SDR42E2: variants seen among roughly 807,000 people sequenced by gnomAD.
SDR42E2 encodes putative short-chain dehydrogenase/reductase family 42E member 2.
SDR42E2 carries 20 observed loss-of-function variants against 10.5 expected under a neutral mutation model. That is an observed-to-expected ratio of 1.90 (90% CI 1.34 to 2.77). The LOEUF (loss-of-function observed/expected upper bound fraction) is 2.77, where lower values mean the gene tolerates loss of function less well. SDR42E2 is among the 30% of genes most tolerant of loss of function. The probability of loss-of-function intolerance (pLI) is 0.00; values close to 1 mark genes in which losing one functional copy is unlikely to be tolerated. For synonymous variants in SDR42E2, 72 were observed against 39.2 expected (o/e 1.84, Z -3.12); for missense variants, 162 against 104.2 (o/e 1.55, Z -2.42).
rs2142059346 is a variant in SDR42E2, at chr16:22,166,920, A to G, written c.257A>G (p.Glu86Gly). Reference protein sequence around the residue: ...TKFIQADVRDEEALYRAFEGV... With the variant: ...TKFIQADVRDGEALYRAFEGV... The stretch of plus-strand genomic sequence containing the variant: ...CTGGTGCAGGCTGATGTCCGAGATG[A>G]AGAAGCCCTGTACCGTGCCTTCGAA... Residue 86 changes from glutamate (E) to glycine (G), a missense_variant, in exon 4 of 13, where the codon GAA becomes GGA. By Grantham distance (98) the Glu-to-Gly change is moderately conservative (BLOSUM62 -2). Transcript: ENST00000602312. 1 of 679,862 alleles carries G rather than the reference A, an allele frequency of 1.5e-6. No individual in the cohort carries two copies. The highest frequency in any genetic ancestry group is 1.5e-5 in the South Asian group (1 of 66,072). 42.1% of individuals were successfully genotyped at this position (679,862 alleles called of 1,614,324 possible). A position where few individuals can be genotyped will look rare whatever the true frequency, so the allele number is the denominator to read the frequency against.
At position 22,191,454 on chromosome 16, in the gene SDR42E2, A is replaced by G. The variant is rs2046774602; in HGVS notation, c.*1061A>G. On this transcript the variant is annotated 3_prime_UTR_variant, in exon 13 of 13. Transcript: ENST00000602312. Reference sequence around the variant, plus strand: ...TAACGCAGGCTCGGGTGACGTTGGTATGAGTTTGCGCCGTCGGCTGCTGCT... The same window carrying G: ...TAACGCAGGCTCGGGTGACGTTGGTGTGAGTTTGCGCCGTCGGCTGCTGCT... 1 of 152,192 alleles carries G rather than the reference A, an allele frequency of 6.6e-6. No homozygotes were observed. The highest frequency in any genetic ancestry group is 2.4e-5 in the African/African-American group (1 of 41,362). The allele number at this position is 152,192 out of a possible 1,614,324, so 9.4% of individuals were successfully genotyped here.
chr16:22,163,389 A>G (rs1046195481), intron 1 of SDR42E2, among the ~76,000 whole-genome samples: 4 of 151,974 alleles, frequency 2.6e-5, no homozygotes, highest in Non-Finnish European at 4.4e-5. Context: ...CCTGCTCATG[A>G]TGGTTTGCAG....
At chr16:22,167,691 T>C (rs2046555661) in intron 4 of SDR42E2, among the ~76,000 whole-genome samples, 1 of 152,142 alleles carries the variant, frequency 6.6e-6, no homozygotes, top group Non-Finnish European at 1.5e-5. Flanking sequence ...TTGTTTTTAA[T>C]AACAAAACAC....
At chr16:22,186,133 GAGT>G (rs2046734731) in intron 11 of SDR42E2, among the ~76,000 whole-genome samples, 1 of 152,086 alleles carries the variant, frequency 6.6e-6, no homozygotes, top group Admixed American at 6.6e-5. Flanking sequence ...GAGAGCATTG[GAGT>G]AGAAGTGAGA....
rs189688656 is a variant in SDR42E2, at chr16:22,169,841, G to A, written c.394+339G>A. ...AGGTCAAGAGTTCGAGACCAGCCTGGCCAAAATGGTGAAACCCCACCTCTA... is the reference window on the plus strand; with the variant it reads ...AGGTCAAGAGTTCGAGACCAGCCTGACCAAAATGGTGAAACCCCACCTCTA... On this transcript the variant is annotated intron_variant, in intron 5 of 12. Coordinates refer to ENST00000602312, the MANE Select transcript of SDR42E2 (RefSeq NM_001394319.2). Among the ~76,000 whole-genome samples, 354 of 150,546 alleles carry A rather than the reference G, an allele frequency of 2.4e-3. 1 individual carries two copies. The highest frequency in any genetic ancestry group is 3.6e-3 in the Middle Eastern group (1 of 274).
chr16:22,165,973 G>A (rs141538585), intron 2 of SDR42E2, among the ~76,000 whole-genome samples: 1 of 151,944 alleles, frequency 6.6e-6, no homozygotes, highest in Non-Finnish European at 1.5e-5. Flanking sequence ...TGGGCCAGGA[G>A]CTGGGTCTGT....
chr16:22,176,150 GCT>G (rs1164058094), intron 7 of SDR42E2, among the ~76,000 whole-genome samples: 2 of 151,872 alleles, frequency 1.3e-5, no homozygotes, highest in African/African-American at 4.8e-5. Flanking sequence ...ACAGGGTCTC[GCT>G]CTGTCGCCCA....
At position 22,184,077 on chromosome 16, in the gene SDR42E2, G is replaced by A. The variant is rs1258310250; in HGVS notation, c.877-104G>A. ...CTGCCCCCTGGGGTGGGTTGGTGGG[G>A]AGACAGGAGGTACCTCTGCTGGTCC... is the stretch of plus-strand genomic sequence containing the variant. On this transcript the variant is annotated intron_variant, in intron 10 of 12. Coordinates refer to ENST00000602312, the MANE Select transcript of SDR42E2 (RefSeq NM_001394319.2). The A allele has an allele frequency of 1.3e-5, 5 of 397,502 alleles. No homozygotes were observed. In the East Asian group the frequency reaches 1.8e-4, roughly 14 times the overall value. 24.6% of individuals were successfully genotyped at this position (397,502 alleles called of 1,614,324 possible). A position where few individuals can be genotyped will look rare whatever the true frequency, so the allele number is the denominator to read the frequency against.
In SDR42E2 at chr16:22,170,943, T is replaced by C. The variant is rs771914281; in HGVS notation, c.505T>C (p.Leu169=). ...TGAGGACTCTGTGCCATATTTCCCATTGGACGAGGTACCTGTCTTCCGGGA... is the reference window on the plus strand; with the variant it reads ...TGAGGACTCTGTGCCATATTTCCCACTGGACGAGGTACCTGTCTTCCGGGA... The part of the protein sequence containing the change: ...GDEDSVPYFP[L]DEHVDHYSRT... The change falls in exon 6 of 13, where the codon TTG becomes CTG. Residue 169 remains leucine, a synonymous_variant. Coordinates refer to ENST00000602312, the MANE Select transcript of SDR42E2 (RefSeq NM_001394319.2). 8.7e-5 allele frequency: 61 copies of C among 703,012 alleles called. 1 individual carries two copies. Among genetic ancestry groups the C allele is most frequent in the East Asian group, 1.6e-4 (6 of 37,296 alleles). The allele number at this position is 703,012 out of a possible 1,614,324, so 43.5% of individuals were successfully genotyped here. A position where few individuals can be genotyped will look rare whatever the true frequency, so the allele number is the denominator to read the frequency against.
At chr16:22,185,133 C>G (rs1437289544) in intron 11 of SDR42E2, among the ~76,000 whole-genome samples, 1 of 152,176 alleles carries the variant, frequency 6.6e-6, no homozygotes, top group African/African-American at 2.4e-5. Flanking sequence ...GTCTTGGCTG[C>G]TCCCCTTCCC....
chr16:22,167,460 C>G (rs1189272991), intron 4 of SDR42E2, among the ~76,000 whole-genome samples: 1 of 152,118 alleles, frequency 6.6e-6, no homozygotes, highest in Non-Finnish European at 1.5e-5. Flanking sequence ...GCTGGGATTA[C>G]AGGCAGGAGC....
rs1244883850 is a variant in SDR42E2, at chr16:22,178,212, G to A, written c.672G>A (p.Ala224=). ...PEEQRHLPRV[A]GHIKKRLFMF... is the part of the protein sequence containing the mutation. The stretch of plus-strand genomic sequence containing the variant: ...AGCAGAGGCACCTGCCCCGTGTGGC[G>A]GTACGTCATCCCCGCCTTCAGGACC... Residue 224 remains alanine (A), a splice_region_variant and synonymous_variant, in exon 8 of 13, where the codon GCG becomes GCA. Transcript: ENST00000602312. 1.3e-5 allele frequency: 9 copies of A among 702,598 alleles called. No homozygotes were observed. The highest frequency in any genetic ancestry group is 8.0e-5 in the East Asian group (3 of 37,282). The allele number at this position is 702,598 out of a possible 1,614,324, so 43.5% of individuals were successfully genotyped here. A position where few individuals can be genotyped will look rare whatever the true frequency, so the allele number is the denominator to read the frequency against.
intron 11 of SDR42E2, among the ~76,000 whole-genome samples, chr16:22,184,836 G>A (rs545533667): frequency 6.6e-6 from 1 of 152,248 alleles, no homozygotes. Flanking sequence ...GTAAAGATGA[G>A]GTGACCCGAG....
chr16:22,164,080 G>T (rs545902638), intron 1 of SDR42E2, among the ~76,000 whole-genome samples: 1 of 150,570 alleles, frequency 6.6e-6, no homozygotes, highest in African/African-American at 2.4e-5. Flanking sequence ...GGGGGGTGGG[G>T]GGATGGACGA....
intron 1 of SDR42E2, among the ~76,000 whole-genome samples, chr16:22,164,621 G>A (rs1011367057): frequency 1.3e-5 from 2 of 152,180 alleles, no homozygotes; most frequent in African/African-American, 4.8e-5. Flanking sequence ...AGACCCTAAA[G>A]CCTGCAGAGG....
At chr16:22,169,262 C>T (rs903493762) in intron 4 of SDR42E2, among the ~76,000 whole-genome samples, 183 bp from the exon 5 acceptor site, 14 of 152,170 alleles carry the variant, frequency 9.2e-5, no homozygotes, top group African/African-American at 3.4e-4. Flanking sequence ...GCAGAACCTC[C>T]TCTGGCCACC....
chr16:22,177,982 GAATAATAAAT>G, intron 7 of SDR42E2, 138 bp from the exon 8 acceptor site: 1 of 581,958 alleles, frequency 1.7e-6, no homozygotes, highest in South Asian at 2.1e-5. Context: ...CTGACTAAGA[GAATAATAAAT>G]TGAACGAGGA....
chr16:22,183,807 C>T (rs2046715377), intron 10 of SDR42E2, among the ~76,000 whole-genome samples: 1 of 152,054 alleles, frequency 6.6e-6, no homozygotes, highest in Non-Finnish European at 1.5e-5. Flanking sequence ...AGTTAAAAAG[C>T]TACCTGGCGG....
chr16:22,181,408 G>A, intron 8 of SDR42E2, 111 bp from the exon 9 acceptor site: 1 of 670,178 alleles, frequency 1.5e-6, no homozygotes, highest in Non-Finnish European at 2.7e-6. Flanking sequence ...ACATGAGCCT[G>A]GAGCAGAGGG....
Sources: allele counts gnomAD v4.1 joint callset (sites outside exome capture counted in the v4.1 genomes callset), GRCh38; gene constraint gnomAD v4.1.1; transcripts MANE v1.5; gene names NCBI Gene and HGNC (gene_info 2026-07-23, HGNC 2026-07-21).